The following XNDC1N variants were observed in gnomAD, a reference collection of about 807,000 sequenced individuals.
XNDC1N encodes the protein XRCC1 N-terminal domain containing 1, N-terminal like.
chr11:71,891,990 G>A, the XNDC1N span, among the ~76,000 whole-genome samples: 1 of 151,932 alleles, frequency 6.6e-6, no homozygotes, highest in Non-Finnish European at 1.5e-5. Flanking sequence ...TACACCCCCA[G>A]TGATATTGCG....
chr11:71,923,523 C>A, the XNDC1N span: 12 of 601,514 alleles, frequency 2.0e-5, no homozygotes, highest in Non-Finnish European at 3.5e-5. Flanking sequence ...GCTGTGGTAA[C>A]AGGAGTTACT....
the XNDC1N span, among the ~76,000 whole-genome samples, chr11:71,905,328 G>C: frequency 6.6e-6 from 1 of 151,692 alleles, no homozygotes; most frequent in African/African-American, 2.4e-5. Context: ...GCTCTTCCTA[G>C]GATAACCCAT....
the XNDC1N span, among the ~76,000 whole-genome samples, chr11:71,898,947 A>G: frequency 2.0e-5 from 3 of 152,206 alleles, no homozygotes; most frequent in East Asian, 5.8e-4. Flanking sequence ...CCATAATAAA[A>G]GATGAAAATT....
chr11:71,893,230 T>A, the XNDC1N span, among the ~76,000 whole-genome samples: 5 of 152,342 alleles, frequency 3.3e-5, no homozygotes, highest in East Asian at 9.6e-4. Context: ...TCTTCTAATA[T>A]TCTTCAGTGG....
chr11:71,867,261 G>A, the XNDC1N span, among the ~76,000 whole-genome samples: 3 of 152,110 alleles, frequency 2.0e-5, no homozygotes, highest in South Asian at 6.2e-4. Flanking sequence ...CTGTAAGATG[G>A]CTAAGTAGAA....
the XNDC1N span, among the ~76,000 whole-genome samples, chr11:71,870,970 A>T: frequency 6.6e-6 from 1 of 152,194 alleles, no homozygotes. Context: ...GAAAACTTAT[A>T]AGTTTCTGAA....
the XNDC1N span, among the ~76,000 whole-genome samples, chr11:71,868,553 G>A: frequency 6.6e-6 from 1 of 152,122 alleles, no homozygotes; most frequent in Non-Finnish European, 1.5e-5. Flanking sequence ...AGTTTAGATG[G>A]ATATAAAATT....
chr11:71,914,690 GAA>G, the XNDC1N span, among the ~76,000 whole-genome samples: 3 of 139,496 alleles, frequency 2.2e-5, no homozygotes, highest in Non-Finnish European at 1.6e-5. Flanking sequence ...TTTGTCTCGG[GAA>G]AAAAAAAAAA....
At chr11:71,900,394 AG>A in the XNDC1N span, among the ~76,000 whole-genome samples, 5 of 152,108 alleles carry the variant, frequency 3.3e-5, no homozygotes, top group South Asian at 6.2e-4. Context: ...GTGAGTGCTG[AG>A]GGAGGGTCGG....
chr11:71,907,884 TC>T, the XNDC1N span, among the ~76,000 whole-genome samples: 2 of 152,124 alleles, frequency 1.3e-5, no homozygotes, highest in Non-Finnish European at 2.9e-5. Flanking sequence ...GGTGTACACT[TC>T]CTGTGATGTT....
the XNDC1N span, chr11:71,928,092 A>T: frequency 8.4e-6 from 2 of 239,140 alleles, no homozygotes; most frequent in African/African-American, 4.6e-5. Context: ...AATGGTGTAT[A>T]AAAAGGAGGG....
the XNDC1N span, among the ~76,000 whole-genome samples, chr11:71,872,684 C>T: frequency 3.8e-4 from 58 of 152,002 alleles, 1 homozygote; most frequent in South Asian, 0.012. Flanking sequence ...GTCGAGATCG[C>T]GCCACTGCAC....
chr11:71,898,322 C>T, the XNDC1N span, among the ~76,000 whole-genome samples: 1 of 152,098 alleles, frequency 6.6e-6, no homozygotes, highest in Non-Finnish European at 1.5e-5. Context: ...AAAGGATAAA[C>T]ATGCCCAGTC....
At chr11:71,877,210 C>G in the XNDC1N span, among the ~76,000 whole-genome samples, 1 of 152,150 alleles carries the variant, frequency 6.6e-6, no homozygotes, top group African/African-American at 2.4e-5. Flanking sequence ...GAAGTAGCAC[C>G]AAGAAGAAGC....
At chr11:71,911,820 T>C in the XNDC1N span, among the ~76,000 whole-genome samples, 1 of 152,026 alleles carries the variant, frequency 6.6e-6, no homozygotes, top group South Asian at 2.1e-4. Context: ...TCTTGCTGGG[T>C]TTGGGGAATT....
chr11:71,883,322 A>G, the XNDC1N span, among the ~76,000 whole-genome samples: 7 of 152,316 alleles, frequency 4.6e-5, no homozygotes, highest in Non-Finnish European at 7.4e-5. Context: ...GGGGCATCAC[A>G]TTTTCTAATT....
At chr11:71,913,664 A>T in the XNDC1N span, among the ~76,000 whole-genome samples, 1 of 34,700 alleles carries the variant, frequency 2.9e-5, no homozygotes, top group African/African-American at 9.5e-5. Context: ...GTCTCAAAAG[A>T]TAAAAAAAAA....
At chr11:71,917,875 G>GTACTTT in the XNDC1N span, 1 of 636,388 alleles carries the variant, frequency 1.6e-6, no homozygotes, top group Non-Finnish European at 2.8e-6. Context: ...ACAGCTAGCT[G>GTACTTT]AAAGCCAGAA....
the XNDC1N span, among the ~76,000 whole-genome samples, chr11:71,892,225 G>A: frequency 2.0e-5 from 3 of 152,082 alleles, no homozygotes; most frequent in African/African-American, 4.8e-5. Context: ...TGTGGTATTA[G>A]GAGTAATATC....
Sources: gnomAD v4.1 joint callset for allele counts (sites outside exome capture counted in the v4.1 genomes callset) on GRCh38, gnomAD v4.1.1 for gene constraint, MANE v1.5 for transcripts, NCBI Gene and HGNC (gene_info 2026-07-23, HGNC 2026-07-21) for gene names.